NCOR2: variants seen among roughly 807,000 people sequenced by gnomAD.
The protein encoded by NCOR2 is nuclear receptor corepressor 2.
In NCOR2, 81 loss-of-function variants were observed where a neutral mutation model predicts 262.9. That is an observed-to-expected ratio of 0.31 (90% CI 0.26 to 0.37). NCOR2 has a LOEUF of 0.37. Among genes scored for constraint, NCOR2 ranks in the 10% least tolerant of loss-of-function variants. NCOR2 has a pLI of 1.00. For missense variants in NCOR2, 3,385 were observed against 3,621.4 expected (o/e 0.93, Z 1.68); for synonymous variants, 1,659 against 1,559.3 (o/e 1.06, Z -1.51).
intron 1 of NCOR2, among the ~76,000 whole-genome samples, chr12:124,501,573 T>C (rs1215216394): frequency 6.6e-6 from 1 of 152,144 alleles, no homozygotes. Flanking sequence ...GGCTTGTAGA[T>C]GCATCGTGCC....
intron 15 of NCOR2, 65 bp downstream of exon 17, chr12:124,400,435 TC>T: frequency 6.4e-7 from 1 of 1,570,314 alleles, no homozygotes; most frequent in Non-Finnish European, 8.6e-7. Flanking sequence ...CACGAAACTT[TC>T]ATATGAGCGC....
chr12:124,423,321 C>A (rs557382105), intron 11 of NCOR2, among the ~76,000 whole-genome samples: 13 of 152,328 alleles, frequency 8.5e-5, no homozygotes, highest in African/African-American at 2.9e-4. Context: ...CACAGCCCCA[C>A]AGCCTTCGCA....
intron 22 of NCOR2, among the ~76,000 whole-genome samples, chr12:124,357,388 A>G (rs1351256774): frequency 3.9e-5 from 6 of 152,222 alleles, no homozygotes; most frequent in African/African-American, 7.2e-5. Flanking sequence ...TCTTGGGTTC[A>G]AGGGATCTTC....
intron 20 of NCOR2, among the ~76,000 whole-genome samples, chr12:124,369,497 C>T (rs916587789): frequency 1.7e-4 from 26 of 151,940 alleles, no homozygotes; most frequent in Non-Finnish European, 5.9e-5. Context: ...CAGCCCTTCC[C>T]GGGAGGCCCT....
exon 45 of NCOR2, chr12:124,327,458 C>T (rs1593061350): frequency 6.2e-7 from 1 of 1,613,062 alleles, no homozygotes. Flanking sequence ...CGGTTATGGG[C>T]ATAGCAGCGG....
chr12:124,483,006 C>T lies in NCOR2; in HGVS notation c.411+590G>A, dbSNP rs1291352295. 6.6e-6 allele frequency among the ~76,000 whole-genome samples: 1 copy of T among 152,112 alleles called. No homozygotes were observed. The highest frequency in any genetic ancestry group is 1.5e-5 in the Non-Finnish European group (1 of 68,004). ...ATCTCACTTTGCGGGACTCTGGAGTCTCCCCTCCCTGACCCTTAAGAATCC... is the reference window on the plus strand; with the variant it reads ...ATCTCACTTTGCGGGACTCTGGAGTTTCCCCTCCCTGACCCTTAAGAATCC... On this transcript the variant is annotated intron_variant, in intron 3 of 46. Transcript: ENST00000405201. The surrounding 1 kb of genome is among the most constrained non-coding windows in gnomAD (Gnocchi z 6.3).
At chr12:124,556,585 C>T (rs1182449489) in intron 1 of NCOR2, among the ~76,000 whole-genome samples, 1 of 152,116 alleles carries the variant, frequency 6.6e-6, no homozygotes, top group Non-Finnish European at 1.5e-5. Context: ...TCAGGCCAGG[C>T]GTGGTGGCTC....
upstream of NCOR2, among the ~76,000 whole-genome samples, chr12:124,495,974 C>A (rs564304098): frequency 6.6e-6 from 1 of 152,144 alleles, no homozygotes. This position sits in a 1 kb window ranked among gnomAD's most constrained non-coding sequence, Gnocchi z 4.4. Flanking sequence ...GAGGGCTACA[C>A]CAGGAAGAGC....
At chr12:124,472,903 A>T in intron 4 of NCOR2, 49 bp downstream of exon 6, 1 of 1,607,170 alleles carries the variant, frequency 6.2e-7, no homozygotes, top group Non-Finnish European at 8.5e-7. Flanking sequence ...CACTGCTGCT[A>T]GAATGGAGAC....
chr12:124,354,445 G>A (rs772380342), intron 26 of NCOR2, 33 bp downstream of exon 28: 1 of 1,462,008 alleles, frequency 6.8e-7, no homozygotes, highest in Non-Finnish European at 9.0e-7. Flanking sequence ...AACAGGGGCA[G>A]ATGCTGGGGG....
upstream of NCOR2, among the ~76,000 whole-genome samples, chr12:124,536,241 T>G (rs2051111225): frequency 6.6e-6 from 1 of 152,122 alleles, no homozygotes; most frequent in Non-Finnish European, 1.5e-5. Flanking sequence ...CATGCCCGGC[T>G]AATTTTTGTA....
At chr12:124,350,476 T>A in intron 28 of NCOR2, 111 bp downstream of exon 30, 1 of 1,416,100 alleles carries the variant, frequency 7.1e-7, no homozygotes, top group South Asian at 1.3e-5. Flanking sequence ...TCACCACCTA[T>A]CAGATTGTGC....
rs569771447 is a variant in NCOR2, at chr12:124,478,461, A to G, written c.411+5135T>C. On this transcript the variant is annotated intron_variant, in intron 3 of 46. Coordinates refer to ENST00000405201, the Ensembl canonical transcript of NCOR2. ...GGAGGCTGAAGAGCAGAGAAGCATC[A>G]GAAAACAGGAACACGGTGGGGCAGA... Among the ~76,000 whole-genome samples the G allele has an allele frequency of 5.3e-5, 8 of 152,346 alleles. No individual in the cohort carries two copies. The East Asian group carries it at 1.5e-3, about 29-fold the overall frequency.
chr12:124,468,380 C>G (rs1019762432), intron 4 of NCOR2, among the ~76,000 whole-genome samples: 1 of 52,730 alleles, frequency 1.9e-5, no homozygotes, highest in Non-Finnish European at 3.9e-5. Context: ...CCCCCATCAT[C>G]CTCATCCTCA....
chr12:124,537,594 G>A (rs59932054), upstream of NCOR2, among the ~76,000 whole-genome samples: 2,598 of 152,366 alleles, frequency 0.017, 78 homozygotes, highest in African/African-American at 0.059. Flanking sequence ...CCACAGGAAT[G>A]TTGTGAGTGT....
intron 2 of NCOR2, among the ~76,000 whole-genome samples, chr12:124,485,770 C>T (rs1259929820): frequency 2.0e-5 from 3 of 152,218 alleles, no homozygotes; most frequent in Non-Finnish European, 2.9e-5. Context: ...CCCTCAACCT[C>T]GCAGCCTCAG....
intron 8 of NCOR2, 105 bp downstream of exon 10, chr12:124,437,825 G>C (rs1255113090): frequency 8.9e-7 from 1 of 1,117,338 alleles, no homozygotes; most frequent in African/African-American, 1.6e-5. Flanking sequence ...ACTCAGGGAG[G>C]ACACAGCTGC....
chr12:124,429,360 G>A (rs1053057677), intron 10 of NCOR2: 3 of 526,404 alleles, frequency 5.7e-6, no homozygotes, highest in Non-Finnish European at 1.0e-5. Context: ...GCATCTGGAT[G>A]GGGGAGCGCC....
At chr12:124,435,792 G>A (rs1388531901) in intron 8 of NCOR2, among the ~76,000 whole-genome samples, 1 of 152,174 alleles carries the variant, frequency 6.6e-6, no homozygotes, top group African/African-American at 2.4e-5. Flanking sequence ...CTGCCCCTTG[G>A]GGGTTCAGAG....
Sources: gnomAD v4.1 joint callset for allele counts (sites outside exome capture counted in the v4.1 genomes callset) on GRCh38, gnomAD v4.1.1 for gene constraint, Gnocchi (gnomAD v3.1) non-coding constraint, MANE v1.5 for transcripts, NCBI Gene and HGNC (gene_info 2026-07-23, HGNC 2026-07-21) for gene names.